The following SORBS2 variants were observed in gnomAD, a reference collection of about 807,000 sequenced individuals.
The protein encoded by SORBS2 is sorbin and SH3 domain-containing protein 2.
A neutral mutation model predicts 97.7 loss-of-function variants in SORBS2; 46 were observed. That is an observed-to-expected ratio of 0.47 (90% CI 0.37 to 0.60). SORBS2 has a LOEUF of 0.60. SORBS2 is among the 20% of genes least tolerant of loss of function. The pLI, the probability that SORBS2 is intolerant of heterozygous loss-of-function variation, is 0.00. For synonymous variants in SORBS2, 476 were observed against 473.4 expected (o/e 1.01, Z -0.07); for missense variants, 1,316 against 1,282.3 (o/e 1.03, Z -0.40).
intron 1 of SORBS2, among the ~76,000 whole-genome samples, chr4:185,799,457 C>T (rs551376099): frequency 6.6e-5 from 10 of 152,302 alleles, no homozygotes; most frequent in Admixed American, 6.5e-4. Flanking sequence ...TTTAACACCA[C>T]AGATCAAACA....
chr4:185,857,937 C>T (rs2099221514), intron 1 of SORBS2, among the ~76,000 whole-genome samples: 1 of 152,162 alleles, frequency 6.6e-6, no homozygotes, highest in African/African-American at 2.4e-5. Context: ...TCTAATTTTG[C>T]CCTTGCCTTG....
intron 1 of SORBS2, among the ~76,000 whole-genome samples, chr4:185,921,241 C>T (rs2099260789): frequency 6.6e-6 from 1 of 152,202 alleles, no homozygotes; most frequent in Non-Finnish European, 1.5e-5. Flanking sequence ...TCTCTCCACT[C>T]AGCCATTTCT....
chr4:185,729,412 T>G (rs1308123287), intron 2 of SORBS2, among the ~76,000 whole-genome samples: 2 of 152,208 alleles, frequency 1.3e-5, no homozygotes, highest in Non-Finnish European at 2.9e-5. Flanking sequence ...ATTTTCTGAA[T>G]AAGTAACAAG....
chr4:185,933,166 A>G (rs2149974222), intron 1 of SORBS2: 1 of 152,334 alleles, frequency 6.6e-6, no homozygotes, highest in South Asian at 2.1e-4. Flanking sequence ...TCACAGTCCC[A>G]GCAGTGTCTC....
chr4:185,701,343 C>G (rs2098259275), intron 2 of SORBS2, among the ~76,000 whole-genome samples: 1 of 152,176 alleles, frequency 6.6e-6, no homozygotes, highest in African/African-American at 2.4e-5. Flanking sequence ...CCAACCTGGG[C>G]CTCTTGTTCG....
intron 1 of SORBS2, among the ~76,000 whole-genome samples, chr4:185,951,543 T>G (rs2099277236): frequency 6.6e-6 from 1 of 152,232 alleles, no homozygotes; most frequent in African/African-American, 2.4e-5. Flanking sequence ...ACATTCAGGA[T>G]TAGGCTCCTG....
Position 185,831,058 on chromosome 4 carries a change from A to G in SORBS2, c.-337-55692T>C, listed in dbSNP as rs187365564. On this transcript the variant is annotated intron_variant, in intron 1 of 20. Coordinates refer to the SORBS2 transcript ENST00000284776. ...TCAACACGGTGTTTCAGATTTCACT[A>G]GAGAAAGTAGCCTTTTATCTTCTCA... Among the ~76,000 whole-genome samples, 542 of 152,226 alleles carry G rather than the reference A, an allele frequency of 3.6e-3. 1 individual carries two copies. The highest frequency in any genetic ancestry group is 0.027 in the Middle Eastern group (8 of 294).
chr4:185,802,423 A>G (rs1206705182), intron 1 of SORBS2, among the ~76,000 whole-genome samples: 1 of 152,266 alleles, frequency 6.6e-6, no homozygotes, highest in Non-Finnish European at 1.5e-5. Context: ...ATATACAGTT[A>G]CAACTTCGAC....
intron 1 of SORBS2, among the ~76,000 whole-genome samples, chr4:185,795,143 A>G (rs774841935): frequency 1.3e-5 from 2 of 152,174 alleles, no homozygotes; most frequent in Non-Finnish European, 2.9e-5. Flanking sequence ...GTCATCATCT[A>G]TAACTTATTC....
At chr4:185,917,197 C>G (rs780332683) in intron 1 of SORBS2, among the ~76,000 whole-genome samples, 3 of 152,176 alleles carry the variant, frequency 2.0e-5, no homozygotes, top group Non-Finnish European at 2.9e-5. Context: ...TCATACCCTG[C>G]CCTGTGCGTC....
Position 185,605,147 on chromosome 4 carries a change from T to C in SORBS2, c.2796+6633A>G, listed in dbSNP as rs146328556. 2.4e-3 allele frequency among the ~76,000 whole-genome samples: 372 copies of C among 152,364 alleles called. 1 individual carries two copies. The highest frequency in any genetic ancestry group is 8.5e-3 in the African/African-American group (353 of 41,590). On this transcript the variant is annotated intron_variant, in intron 12 of 14. Transcript: ENST00000418609. The stretch of plus-strand genomic sequence containing the variant: ...AAATGCAGGCCTGGCCGGGTTATTT[T>C]GAAATACAGGAACTATGAAAGAATT...
intron 1 of SORBS2, among the ~76,000 whole-genome samples, chr4:185,800,004 C>A (rs988171075): frequency 1.3e-5 from 2 of 152,174 alleles, no homozygotes; most frequent in African/African-American, 2.4e-5. Flanking sequence ...TCGAGACCAG[C>A]CTGGCCAACA....
chr4:185,648,714 A>G (rs2097258799), intron 3 of SORBS2, among the ~76,000 whole-genome samples: 1 of 152,174 alleles, frequency 6.6e-6, no homozygotes, highest in African/African-American at 2.4e-5. Flanking sequence ...CCTGGCTTGG[A>G]CATAACGAGC....
At position 185,623,603 on chromosome 4, in the gene SORBS2, G is replaced by A; in HGVS notation, c.1526C>T (p.Ser509Phe). ...TAGGTGAATGTAGTCACTGTGGTCG[G>A]ACACAACCCCGTCCTGGTCGCTGTC... Residue 509 changes from serine (S) to phenylalanine (F), a missense_variant, in exon 7 of 15, where the codon TCC becomes TTC. Physicochemically the swap from Ser to Phe is radical, Grantham distance 155. Transcript: ENST00000418609. The surrounding 1 kb of genome is among the most constrained non-coding windows in gnomAD (Gnocchi z 6.4). 6.2e-7 allele frequency: 1 copy of A among 1,614,156 alleles called. No homozygotes were observed. Among genetic ancestry groups the A allele is most frequent in the Non-Finnish European group, 8.5e-7 (1 of 1,180,030 alleles).
At chr4:185,874,273 C>A (rs757296192) in intron 1 of SORBS2, among the ~76,000 whole-genome samples, 1 of 152,078 alleles carries the variant, frequency 6.6e-6, no homozygotes. Flanking sequence ...ATAAAATACT[C>A]GCTGTGATCC....
intron 2 of SORBS2, among the ~76,000 whole-genome samples, chr4:185,736,634 T>A (rs971331347): frequency 6.6e-6 from 1 of 152,210 alleles, no homozygotes; most frequent in African/African-American, 2.4e-5. Flanking sequence ...GTGGGTGACA[T>A]CCAGCCCCCT....
rs1037971195 is a variant in SORBS2 at position 185,623,585 on chromosome 4, A to G, written c.1544T>C (p.Ile515Thr). 2 of 1,614,028 alleles carry G rather than the reference A, an allele frequency of 1.2e-6. No homozygotes were observed. Among genetic ancestry groups the G allele is most frequent in the Non-Finnish European group, 1.7e-6 (2 of 1,179,992 alleles). Residue 515 changes from isoleucine to threonine, a missense_variant, in exon 7 of 15, where the codon ATT becomes ACT. Transcript: ENST00000418609. This position sits in a 1 kb window ranked among gnomAD's most constrained non-coding sequence, Gnocchi z 6.4. Reference sequence around the variant, plus strand: ...GCAGAAGGATGACCCCTCTAGGTGAATGTAGTCACTGTGGTCGGACACAAC... The same window carrying G: ...GCAGAAGGATGACCCCTCTAGGTGAGTGTAGTCACTGTGGTCGGACACAAC...
At chr4:185,667,707 C>CAT (rs10653312) in intron 4 of SORBS2, among the ~76,000 whole-genome samples, 142,870 of 146,764 alleles carry the variant, frequency 0.97, 69,623 homozygotes, top group South Asian at 1. Flanking sequence ...TATATATATA[C>CAT]GTATATATAT....
At chr4:185,762,823 G>A (rs1344789632) in intron 2 of SORBS2, among the ~76,000 whole-genome samples, 3 of 151,982 alleles carry the variant, frequency 2.0e-5, no homozygotes, top group East Asian at 1.9e-4. Context: ...ACTTATGAAC[G>A]AGTTAAGAAC....
Sources: gnomAD v4.1 joint callset for allele counts (sites outside exome capture counted in the v4.1 genomes callset) on GRCh38, gnomAD v4.1.1 for gene constraint, Gnocchi (gnomAD v3.1) non-coding constraint, MANE v1.5 for transcripts, NCBI Gene and HGNC (gene_info 2026-07-23, HGNC 2026-07-21) for gene names.